Variants in CDYL2 observed in about 807,000 individuals in gnomAD.
CDYL2 encodes the protein chromodomain Y-like protein 2.
Under a neutral mutation model 49.4 loss-of-function variants are expected in CDYL2, and 23 were observed. That is an observed-to-expected ratio of 0.47 (90% CI 0.34 to 0.66). The LOEUF is 0.66. CDYL2 is among the 30% of genes least tolerant of loss of function. The probability of loss-of-function intolerance (pLI) is 0.01; values close to 1 mark genes in which losing one functional copy is unlikely to be tolerated. For synonymous variants in CDYL2, 360 were observed against 268.8 expected (o/e 1.34, Z -3.32); for missense variants, 678 against 656.4 (o/e 1.03, Z -0.36).
chr16:80,804,102 GC>G, intron 1 of CDYL2, 47 bp downstream of exon 1: 10 of 1,000,324 alleles, frequency 1.0e-5, no homozygotes, highest in Non-Finnish European at 1.2e-5. Flanking sequence ...GCCGCCGCCC[GC>G]CGCCGCCCGC....
intron 1 of CDYL2, among the ~76,000 whole-genome samples, chr16:80,787,241 G>A (rs557693961): frequency 1.5e-4 from 23 of 152,276 alleles, no homozygotes; most frequent in African/African-American, 5.5e-4. Flanking sequence ...GGCAGCAGGG[G>A]AAATGAAGCC....
At chr16:80,803,631 C>A (rs1907997839) in intron 1 of CDYL2, among the ~76,000 whole-genome samples, 1 of 143,118 alleles carries the variant, frequency 7.0e-6, no homozygotes, top group Admixed American at 6.8e-5. Flanking sequence ...GACCCCGCCT[C>A]GCCCCGGCCA....
chr16:80,797,133 A>C (rs916501532), intron 1 of CDYL2, among the ~76,000 whole-genome samples: 1 of 152,090 alleles, frequency 6.6e-6, no homozygotes, highest in Admixed American at 6.5e-5. Flanking sequence ...CTTTAATTAT[A>C]ATCTACATAC....
intron 1 of CDYL2, among the ~76,000 whole-genome samples, chr16:80,803,586 A>G (rs1026892746): frequency 8.4e-6 from 1 of 119,152 alleles, no homozygotes. Context: ...GTCCCCCCGA[A>G]CCCCCACCCA....
chr16:80,755,661 T>C (rs150538527), intron 1 of CDYL2, among the ~76,000 whole-genome samples: 5 of 152,318 alleles, frequency 3.3e-5, no homozygotes, highest in East Asian at 1.9e-4. Context: ...AAATACAAAA[T>C]GCTCATCACA....
chr16:80,618,102 C>T (rs998076251), intron 4 of CDYL2, among the ~76,000 whole-genome samples: 4 of 152,216 alleles, frequency 2.6e-5, no homozygotes, highest in Admixed American at 6.5e-5. Flanking sequence ...GAACTAGCAA[C>T]TTCTGCTCCC....
At chr16:80,663,663 G>A (rs1237730402) in intron 2 of CDYL2, among the ~76,000 whole-genome samples, 1 of 151,930 alleles carries the variant, frequency 6.6e-6, no homozygotes, top group Non-Finnish European at 1.5e-5. Flanking sequence ...CATGATCTTG[G>A]CTCACTGCAA....
At chr16:80,757,166 T>G (rs2142378331) in intron 1 of CDYL2, among the ~76,000 whole-genome samples, 1 of 152,270 alleles carries the variant, frequency 6.6e-6, no homozygotes, top group East Asian at 1.9e-4. Flanking sequence ...AGGATACAAT[T>G]GAAGTTAAAA....
chr16:80,804,248 C>A lies in CDYL2; in HGVS notation c.-75G>T. The A allele has an allele frequency of 7.8e-7, 1 of 1,281,216 alleles. No individual in the cohort carries two copies. Among genetic ancestry groups the A allele is most frequent in the East Asian group, 4.2e-5 (1 of 24,008 alleles). The allele number at this position is 1,281,216 out of a possible 1,614,324, so 79.4% of individuals were successfully genotyped here. ...CCCTCCGTGCGTGTGCGCGCGGGGT[C>A]CGGTGTGCGCGTGTGTGTGCGCGCG... On this transcript the variant is annotated 5_prime_UTR_variant, in exon 1 of 7. Coordinates refer to ENST00000570137, the MANE Select transcript of CDYL2 (RefSeq NM_152342.4).
intron 2 of CDYL2, among the ~76,000 whole-genome samples, chr16:80,676,414 G>C (rs1216347886): frequency 2.6e-5 from 4 of 152,156 alleles, no homozygotes; most frequent in Admixed American, 2.6e-4. Context: ...GCTGACAAGA[G>C]GCTGCCCCGG....
At chr16:80,652,839 C>T (rs1908642980) in intron 2 of CDYL2, among the ~76,000 whole-genome samples, 1 of 152,112 alleles carries the variant, frequency 6.6e-6, no homozygotes, top group Non-Finnish European at 1.5e-5. Context: ...GGACATTCTA[C>T]AAAATACCAA....
intron 2 of CDYL2, chr16:80,670,914 A>G (rs1199293656): frequency 2.2e-6 from 1 of 456,012 alleles, no homozygotes; most frequent in Admixed American, 2.3e-5. Context: ...CTCTATACAC[A>G]GGGGCTTGCC....
At chr16:80,743,866 G>A (rs1905834718) in intron 1 of CDYL2, among the ~76,000 whole-genome samples, 2 of 152,074 alleles carry the variant, frequency 1.3e-5, no homozygotes, top group Admixed American at 6.6e-5. Context: ...CTGATAAAGT[G>A]CCTGAACACA....
intron 2 of CDYL2, among the ~76,000 whole-genome samples, chr16:80,642,220 T>C (rs9924518): frequency 0.2 from 31,064 of 152,016 alleles, 3,393 homozygotes; most frequent in African/African-American, 0.25. Flanking sequence ...AGGTGGGTGC[T>C]TCACTTGAGG....
intron 1 of CDYL2, among the ~76,000 whole-genome samples, chr16:80,728,149 A>G (rs8053077): frequency 0.85 from 129,349 of 152,008 alleles, 56,465 homozygotes; most frequent in Non-Finnish European, 0.95. Context: ...ATCAAACTAC[A>G]AGCTACAGGA....
chr16:80,757,165 T>C (rs577735151), intron 1 of CDYL2, among the ~76,000 whole-genome samples: 60 of 152,310 alleles, frequency 3.9e-4, no homozygotes, highest in East Asian at 1.5e-3. Context: ...TAGGATACAA[T>C]TGAAGTTAAA....
chr16:80,628,677 T>C (rs1330577207), intron 3 of CDYL2, among the ~76,000 whole-genome samples: 2 of 152,236 alleles, frequency 1.3e-5, no homozygotes, highest in African/African-American at 4.8e-5. Flanking sequence ...GCTACAGTTA[T>C]AGATAACTAA....
chr16:80,624,500 C>T (rs1339379971), intron 3 of CDYL2, among the ~76,000 whole-genome samples: 3 of 152,094 alleles, frequency 2.0e-5, no homozygotes, highest in South Asian at 4.1e-4. Flanking sequence ...TGTAAAAGTA[C>T]TCTGGGGAGA....
rs768623859 is a variant in CDYL2 at position 80,684,611 on chromosome 16, C to T, written c.543G>A (p.Leu181=). ...TATCTTGCTCTCCAACATGATCATTCAAATCCAAGCCAGGCTGATGGGACC... is the reference window on the plus strand; with the variant it reads ...TATCTTGCTCTCCAACATGATCATTTAAATCCAAGCCAGGCTGATGGGACC... ...GNGSHQPGLD[L]NDHVGEQDMG... is the part of the protein sequence containing the mutation. Residue 181 remains leucine (L), a synonymous_variant, in exon 2 of 7, where the codon TTG becomes TTA. Transcript: ENST00000570137. 2 of 1,614,100 alleles carry T rather than the reference C, an allele frequency of 1.2e-6. No homozygotes were observed. The highest frequency in any genetic ancestry group is 1.7e-5 in the Admixed American group (1 of 60,006).
Sources: gnomAD v4.1 joint callset for allele counts (sites outside exome capture counted in the v4.1 genomes callset) on GRCh38, gnomAD v4.1.1 for gene constraint, MANE v1.5 for transcripts, NCBI Gene and HGNC (gene_info 2026-07-23, HGNC 2026-07-21) for gene names.